Variants in RP1 observed in about 807,000 individuals in gnomAD.
RP1 encodes RP1 axonemal microtubule associated.
In RP1, 16 loss-of-function variants were observed where a neutral mutation model predicts 14.8. The observed-to-expected ratio is 1.08, with a 90% CI of 0.73 to 1.65. The LOEUF is 1.65. Among genes scored for constraint, RP1 ranks in the 40% most tolerant of loss-of-function variants. The pLI, the probability that RP1 is intolerant of heterozygous loss-of-function variation, is 0.00. For missense variants in RP1, 2,631 were observed against 2,535.0 expected (o/e 1.04, Z -0.81); for synonymous variants, 876 against 883.6 (o/e 0.99, Z 0.15).
intron 4 of RP1, among the ~76,000 whole-genome samples, chr8:54,649,654 C>T (rs2129325307): frequency 6.6e-6 from 1 of 152,270 alleles, no homozygotes; most frequent in African/African-American, 2.4e-5. Context: ...CATTAGCAAA[C>T]AAAGGCAAGA....
At chr8:54,777,276 G>A (rs1435022425) in intron 23 of RP1, among the ~76,000 whole-genome samples, 4 of 152,152 alleles carry the variant, frequency 2.6e-5, no homozygotes, top group South Asian at 2.1e-4. Context: ...CACTGTGCAC[G>A]TGTTTGGACT....
chr8:54,751,349 A>G (rs893374900), intron 19 of RP1, among the ~76,000 whole-genome samples: 1 of 152,154 alleles, frequency 6.6e-6, no homozygotes, highest in Non-Finnish European at 1.5e-5. Flanking sequence ...TTTTATAAAA[A>G]TGCTTGGTGA....
chr8:54,687,202 G>A (rs770214171), intron 12 of RP1, among the ~76,000 whole-genome samples: 4 of 152,250 alleles, frequency 2.6e-5, no homozygotes, highest in Non-Finnish European at 5.9e-5. Context: ...GCAACAGAAC[G>A]TTTTGTATAG....
intron 12 of RP1, among the ~76,000 whole-genome samples, chr8:54,683,932 G>A (rs1405607411): frequency 6.6e-6 from 1 of 151,614 alleles, no homozygotes; most frequent in Non-Finnish European, 1.5e-5. Context: ...AGTGGCTGTG[G>A]GTTTGTCATA....
At chr8:54,643,851 T>A (rs1324582781) in intron 3 of RP1, among the ~76,000 whole-genome samples, 4 of 152,146 alleles carry the variant, frequency 2.6e-5, no homozygotes, top group Non-Finnish European at 5.9e-5. Flanking sequence ...CTTCTCTTCC[T>A]ATAAGGACAC....
rs1810238546 is a variant in RP1 at position 54,783,460 on chromosome 8, A to G, written c.3452-87A>G. On this transcript the variant is annotated intron_variant, in intron 23 of 28. Transcript: ENST00000637698. The stretch of plus-strand genomic sequence containing the variant: ...TTCACGAACTATTCATTTCATAACC[A>G]AGTAGATTAAGTAGAAATCCTTATT... 8.3e-6 allele frequency: 5 copies of G among 602,916 alleles called. No homozygotes were observed. The South Asian group carries it at 3.5e-4, about 42-fold the overall frequency. 37.3% of individuals were successfully genotyped at this position (602,916 alleles called of 1,614,324 possible).
intron 19 of RP1, among the ~76,000 whole-genome samples, chr8:54,747,129 C>A (rs1477646656): frequency 6.6e-6 from 1 of 152,200 alleles, no homozygotes; most frequent in African/African-American, 2.4e-5. Context: ...TTTTTCTCTT[C>A]TCTCTGCTGT....
chr8:54,801,494 A>G (rs1261376201), intron 24 of RP1, among the ~76,000 whole-genome samples: 1 of 151,988 alleles, frequency 6.6e-6, no homozygotes, highest in African/African-American at 2.4e-5. Context: ...GCCCTCAGGT[A>G]ACAGTTTTTG....
chr8:54,698,102 G>C (rs1389864028), intron 12 of RP1, among the ~76,000 whole-genome samples: 1 of 152,088 alleles, frequency 6.6e-6, no homozygotes, highest in Admixed American at 6.6e-5. Flanking sequence ...GAGTGAACAG[G>C]CCACCTACAG....
In RP1 at chr8:54,719,348, A is replaced by T. The variant is rs373105877; in HGVS notation, c.2212-781A>T. 4.5e-3 allele frequency among the ~76,000 whole-genome samples: 684 copies of T among 152,320 alleles called. 5 individuals carry two copies. The highest frequency in any genetic ancestry group is 0.016 in the African/African-American group (645 of 41,580). ...AATTGCTTACTTTATAAAAAGCGAG[A>T]GAGAAAGAGAGAGAGACTCCCTTGG... is the stretch of plus-strand genomic sequence containing the variant. On this transcript the variant is annotated intron_variant, in intron 15 of 22. Transcript: ENST00000636932.
chr8:54,769,140 C>T (rs1008865219), intron 22 of RP1, among the ~76,000 whole-genome samples: 5 of 152,048 alleles, frequency 3.3e-5, no homozygotes, highest in Non-Finnish European at 5.9e-5. Context: ...ATGATCCACC[C>T]GCCTTGGCCT....
chr8:54,770,551 T>C (rs1809876273), downstream of RP1, among the ~76,000 whole-genome samples: 1 of 149,860 alleles, frequency 6.7e-6, no homozygotes, highest in South Asian at 2.1e-4. Flanking sequence ...CATGAAATCA[T>C]GGTTTTAGGC....
chr8:54,580,936 C>G (rs187798291), intron 1 of RP1, among the ~76,000 whole-genome samples: 206 of 152,116 alleles, frequency 1.4e-3, no homozygotes, highest in African/African-American at 4.8e-3. Flanking sequence ...CATTTTTAAG[C>G]CTTTGGGATA....
chr8:54,777,664 A>C (rs1209289588), intron 23 of RP1, among the ~76,000 whole-genome samples: 5 of 152,168 alleles, frequency 3.3e-5, no homozygotes, highest in African/African-American at 7.2e-5. Flanking sequence ...AAAAAATCTC[A>C]TGATCCTCTT....
At chr8:54,852,022 C>A (rs1812070323) in intron 25 of RP1, among the ~76,000 whole-genome samples, 1 of 152,126 alleles carries the variant, frequency 6.6e-6, no homozygotes, top group South Asian at 2.1e-4. Flanking sequence ...TGCCTTAATT[C>A]TAAGGACAAA....
At chr8:54,766,179 A>G (rs978848014) in intron 22 of RP1, among the ~76,000 whole-genome samples, 9 of 152,320 alleles carry the variant, frequency 5.9e-5, no homozygotes, top group African/African-American at 1.9e-4. Context: ...AAAATAAGTC[A>G]GCCTGTCTAC....
rs1434847936 is a variant in RP1 at position 54,740,765 on chromosome 8, C to T, written c.2808+1736C>T. ...ATAAGTAGAAAAAAAGCTTATGGGC[C>T]GGGTGCGGTGGATCATGCCTGTCAT... is the stretch of plus-strand genomic sequence containing the variant. On this transcript the variant is annotated intron_variant, in intron 19 of 22. Coordinates refer to the RP1 transcript ENST00000636932. Among the ~76,000 whole-genome samples the T allele has an allele frequency of 7.2e-5, 11 of 151,766 alleles. No homozygotes were observed. The East Asian group carries it at 1.2e-3, about 16-fold the overall frequency.
At chr8:54,695,487 A>T (rs1807837310) in intron 12 of RP1, among the ~76,000 whole-genome samples, 1 of 152,074 alleles carries the variant, frequency 6.6e-6, no homozygotes, top group Non-Finnish European at 1.5e-5. Flanking sequence ...TACTGAAAAA[A>T]ATAAGATAAT....
chr8:54,814,774 C>T (rs900736118), intron 24 of RP1, among the ~76,000 whole-genome samples: 4 of 152,170 alleles, frequency 2.6e-5, no homozygotes, highest in Admixed American at 2.0e-4. Flanking sequence ...AATGACAGTG[C>T]CCATGGGCTC....
Sources: allele counts gnomAD v4.1 joint callset (sites outside exome capture counted in the v4.1 genomes callset), GRCh38; gene constraint gnomAD v4.1.1; transcripts MANE v1.5; gene names NCBI Gene and HGNC (gene_info 2026-07-23, HGNC 2026-07-21).